Variants in SPON1 observed in about 807,000 individuals in gnomAD.
The protein encoded by SPON1 is spondin 1.
SPON1 carries 52 observed loss-of-function variants against 111.7 expected under a neutral mutation model. That is an observed-to-expected ratio of 0.47 (90% confidence interval 0.37 to 0.59). The LOEUF (loss-of-function observed/expected upper bound fraction) is 0.59. Among genes scored for constraint, SPON1 ranks in the 20% least tolerant of loss-of-function variants. SPON1 has a pLI of 0.00. For missense variants in SPON1, 957 were observed against 1,068.5 expected (o/e 0.90, Z 1.46); for synonymous variants, 410 against 395.8 (o/e 1.04, Z -0.43).
intron 2 of SPON1, among the ~76,000 whole-genome samples, chr11:14,021,526 C>T (rs1248401243): frequency 1.3e-5 from 2 of 152,158 alleles, no homozygotes; most frequent in African/African-American, 4.8e-5. Context: ...AGCCCCAAAG[C>T]ACCAGGATCC....
At chr11:13,995,127 A>G (rs1177581895) in intron 2 of SPON1, among the ~76,000 whole-genome samples, 3 of 152,200 alleles carry the variant, frequency 2.0e-5, no homozygotes, top group Non-Finnish European at 2.9e-5. Flanking sequence ...AATCATGTCT[A>G]TTTAATTCAC....
intron 15 of SPON1, 110 bp from the exon 16 acceptor site, chr11:14,265,414 C>T: frequency 1.6e-6 from 2 of 1,256,582 alleles, no homozygotes; most frequent in Non-Finnish European, 2.2e-6. Context: ...TCATTACATA[C>T]TTGAGCAGAG....
chr11:14,182,748 T>C (rs150638462), intron 6 of SPON1, among the ~76,000 whole-genome samples: 2 of 152,302 alleles, frequency 1.3e-5, no homozygotes, highest in African/African-American at 4.8e-5. Context: ...AAAGGCACCA[T>C]ATAGACTATC....
chr11:14,265,707 G>A lies in SPON1; in HGVS notation c.*20G>A, dbSNP rs781978822. Reference sequence around the variant, plus strand: ...TGTTAGCAAGGGTACGAGTTCCCCAGGGCTGCACTCTAGATTCCAGAGTCA... The same window carrying A: ...TGTTAGCAAGGGTACGAGTTCCCCAAGGCTGCACTCTAGATTCCAGAGTCA... On this transcript the variant is annotated 3_prime_UTR_variant, in exon 16 of 16. Coordinates refer to ENST00000576479, the MANE Select transcript of SPON1 (RefSeq NM_006108.4). The A allele has an allele frequency of 9.3e-6, 15 of 1,609,684 alleles. No homozygotes were observed. Among genetic ancestry groups the A allele is most frequent in the Non-Finnish European group, 1.1e-5 (13 of 1,177,884 alleles).
intron 6 of SPON1, among the ~76,000 whole-genome samples, chr11:14,219,496 G>C (rs1391713227): frequency 6.6e-6 from 1 of 152,188 alleles, no homozygotes; most frequent in Non-Finnish European, 1.5e-5. Flanking sequence ...AAGTGACCCT[G>C]AGATCTGGAT....
At chr11:14,160,915 A>T (rs1455466703) in intron 6 of SPON1, among the ~76,000 whole-genome samples, 3 of 40,572 alleles carry the variant, frequency 7.4e-5, no homozygotes, top group Non-Finnish European at 8.2e-5. Flanking sequence ...TTATATATAT[A>T]TTTATATATT....
intron 2 of SPON1, among the ~76,000 whole-genome samples, chr11:14,023,788 G>C (rs1183809405): frequency 1.3e-5 from 2 of 152,196 alleles, no homozygotes; most frequent in African/African-American, 4.8e-5. Flanking sequence ...CAGATCATGA[G>C]GTCAAGAGTG....
intron 2 of SPON1, among the ~76,000 whole-genome samples, chr11:14,001,415 C>T (rs1438007106): frequency 6.6e-6 from 1 of 152,166 alleles, no homozygotes; most frequent in Admixed American, 6.5e-5. Flanking sequence ...AGATGCTTCT[C>T]CCTAACAAGG....
chr11:14,103,757 CTTG>C (rs1849163646), intron 5 of SPON1, among the ~76,000 whole-genome samples: 1 of 152,120 alleles, frequency 6.6e-6, no homozygotes, highest in Non-Finnish European at 1.5e-5. Flanking sequence ...TATTTGTTTG[CTTG>C]TTTGTTGTTC....
At chr11:14,023,003 C>G (rs1397005709) in intron 2 of SPON1, among the ~76,000 whole-genome samples, 4 of 152,066 alleles carry the variant, frequency 2.6e-5, no homozygotes, top group African/African-American at 7.2e-5. Flanking sequence ...GGTTTGTGGG[C>G]GGGATCATGT....
intron 2 of SPON1, among the ~76,000 whole-genome samples, chr11:13,989,725 C>T (rs2133785870): frequency 1.3e-5 from 2 of 152,270 alleles, no homozygotes; most frequent in South Asian, 2.1e-4. Context: ...AAATGTGTCC[C>T]AGTGATTCTG....
chr11:14,100,247 A>G (rs1554924267), intron 5 of SPON1, among the ~76,000 whole-genome samples: 1 of 152,016 alleles, frequency 6.6e-6, no homozygotes, highest in Non-Finnish European at 1.5e-5. Context: ...ACACACAAGT[A>G]TAATTAGTCC....
intron 6 of SPON1, among the ~76,000 whole-genome samples, chr11:14,231,134 C>CTTTTTTTTTT (rs532103835): frequency 1.4e-5 from 2 of 138,598 alleles, no homozygotes; most frequent in East Asian, 2.1e-4. Context: ...TCTTTTTTTT[C>CTTTTTTTTTT]TTTTTTTTTT....
rs548795746 is a variant in SPON1 at position 14,156,321 on chromosome 11, G to A, written c.825+20753G>A. Among the ~76,000 whole-genome samples, 145 of 137,654 alleles carry A rather than the reference G, an allele frequency of 1.1e-3. 2 individuals carry two copies. The highest frequency in any genetic ancestry group is 3.6e-3 in the Middle Eastern group (1 of 280). 90.3% of individuals were successfully genotyped at this position (137,654 alleles called of 152,430 possible). A position where few individuals can be genotyped will look rare whatever the true frequency, so the allele number is the denominator to read the frequency against. The stretch of plus-strand genomic sequence containing the variant: ...TGAGAAGTGTCTGTTCATGTCCTTC[G>A]CCCACTTGTTGATGGGGTTGTTTGT... On this transcript the variant is annotated intron_variant, in intron 6 of 15. Transcript: ENST00000576479.
At chr11:14,231,972 CGTGTGTGT>C (rs10650808) in intron 6 of SPON1, among the ~76,000 whole-genome samples, 1 of 149,418 alleles carries the variant, frequency 6.7e-6, no homozygotes, top group Non-Finnish European at 1.5e-5. Context: ...CCTCCTACGC[CGTGTGTGT>C]GTGTGTGTGT....
At chr11:14,161,211 A>ATATATC (rs1564920137) in intron 6 of SPON1, among the ~76,000 whole-genome samples, 22 of 59,014 alleles carry the variant, frequency 3.7e-4, no homozygotes, top group African/African-American at 1.5e-3. Flanking sequence ...TTATATATTT[A>ATATATC]TATATATCTA....
intron 6 of SPON1, among the ~76,000 whole-genome samples, chr11:14,163,861 C>T (rs148151446): frequency 0.01 from 1,569 of 152,004 alleles, 25 homozygotes; most frequent in African/African-American, 0.036. Context: ...TAGCAACAGC[C>T]CTGGTTACCC....
At chr11:14,149,568 T>C (rs1171480463) in intron 6 of SPON1, among the ~76,000 whole-genome samples, 14 of 152,212 alleles carry the variant, frequency 9.2e-5, no homozygotes, top group African/African-American at 3.4e-4. Flanking sequence ...AGTAATGTCC[T>C]AGGCCTTCAC....
intron 13 of SPON1, among the ~76,000 whole-genome samples, chr11:14,260,151 A>C (rs1412967070): frequency 6.6e-6 from 1 of 152,174 alleles, no homozygotes; most frequent in African/African-American, 2.4e-5. Context: ...CTGCCCACAC[A>C]TTAGTATGCA....
Sources: allele counts gnomAD v4.1 joint callset (sites outside exome capture counted in the v4.1 genomes callset), GRCh38; gene constraint gnomAD v4.1.1; transcripts MANE v1.5; gene names NCBI Gene and HGNC (gene_info 2026-07-23, HGNC 2026-07-21).